Variants in MS4A6E observed in about 807,000 individuals in gnomAD.
MS4A6E encodes the protein membrane spanning 4-domains A6E.
Under a neutral mutation model 13.2 loss-of-function variants are expected in MS4A6E, and 8 were observed. That is an observed-to-expected ratio of 0.60 (90% CI 0.35 to 1.09). The LOEUF is 1.09. Among genes scored for constraint, MS4A6E ranks in the 50% least tolerant of loss-of-function variants. The probability of loss-of-function intolerance (pLI) is 0.02; values close to 1 mark genes in which losing one functional copy is unlikely to be tolerated. For missense variants in MS4A6E, 177 were observed against 171.1 expected (o/e 1.03, Z -0.19); for synonymous variants, 72 against 67.6 (o/e 1.06, Z -0.32).
At chr11:60,333,346 T>A (rs2085168914) in intron 1 of MS4A6E, among the ~76,000 whole-genome samples, 1 of 152,188 alleles carries the variant, frequency 6.6e-6, no homozygotes, top group African/African-American at 2.4e-5. Flanking sequence ...AATATAGTAA[T>A]GGAGGAAGGA....
chr11:60,343,155 A>G (rs2085238657), downstream of MS4A6E, among the ~76,000 whole-genome samples: 1 of 152,166 alleles, frequency 6.6e-6, no homozygotes, highest in Admixed American at 6.5e-5. Context: ...GATAAATTTT[A>G]CAAGAAGGTT....
chr11:60,348,095 A>G (rs2085263921), intron 4 of MS4A6E, among the ~76,000 whole-genome samples: 2 of 152,186 alleles, frequency 1.3e-5, no homozygotes, highest in Admixed American at 1.3e-4. Flanking sequence ...CAGGAACCAA[A>G]TGGTGGTTTT....
intron 2 of MS4A6E, chr11:60,335,432 T>A (rs1026763665): frequency 5.3e-6 from 2 of 374,062 alleles, no homozygotes; most frequent in African/African-American, 4.2e-5. Flanking sequence ...TACTGCAAAT[T>A]ACAGAAAAAA....
chr11:60,335,420 C>G, intron 2 of MS4A6E: 1 of 371,010 alleles, frequency 2.7e-6, no homozygotes, highest in South Asian at 2.1e-5. Flanking sequence ...GAATTTTTCC[C>G]TTACTGCAAA....
intron 2 of MS4A6E, 60 bp downstream of exon 2, chr11:60,335,102 T>C: frequency 6.3e-7 from 1 of 1,596,432 alleles, no homozygotes; most frequent in Non-Finnish European, 8.5e-7. Flanking sequence ...AGATGATGTA[T>C]GTTTTGGGAC....
intron 1 of MS4A6E, among the ~76,000 whole-genome samples, chr11:60,334,072 C>A (rs925963624): frequency 4.6e-5 from 7 of 152,242 alleles, no homozygotes; most frequent in African/African-American, 1.7e-4. Flanking sequence ...ATGAGTCCAG[C>A]ATTCTGGGTT....
intron 1 of MS4A6E, 59 bp from the exon 2 acceptor site, chr11:60,334,823 G>T (rs765374029): frequency 6.4e-7 from 1 of 1,568,336 alleles, no homozygotes; most frequent in Non-Finnish European, 8.7e-7. Flanking sequence ...TACCAGTTTT[G>T]CAGCCAGAAC....
downstream of MS4A6E, among the ~76,000 whole-genome samples, chr11:60,341,556 G>T (rs895037059): frequency 6.6e-6 from 1 of 151,972 alleles, no homozygotes; most frequent in African/African-American, 2.4e-5. Context: ...AATTGTTTGA[G>T]TATAACAAAC....
intron 1 of MS4A6E, among the ~76,000 whole-genome samples, chr11:60,330,703 C>CTA (rs2085149695): frequency 6.6e-6 from 1 of 152,110 alleles, no homozygotes; most frequent in South Asian, 2.1e-4. Flanking sequence ...TGCCTATGTC[C>CTA]TGAATGGTAT....
Position 60,335,006 on chromosome 11 carries a change from G to A in MS4A6E, c.111G>A (p.Leu37=). The A allele has an allele frequency of 6.2e-7, 1 of 1,614,134 alleles. No individual in the cohort carries two copies. The highest frequency in any genetic ancestry group is 8.5e-7 in the Non-Finnish European group (1 of 1,180,018). The change falls in exon 2 of 5, where the codon CTG becomes CTA. Residue 37 remains leucine (L), a synonymous_variant. Transcript: ENST00000684409. The part of the protein sequence containing the change: ...PEPTNQGQDS[L]KKRLQAKVKV... ...CCACCAACCAGGGGCAGGATAGCCTGAAGAAACGTCTACAGGCAAAAGTCA... is the reference window on the plus strand; with the variant it reads ...CCACCAACCAGGGGCAGGATAGCCTAAAGAAACGTCTACAGGCAAAAGTCA...
At chr11:60,346,935 T>A (rs1031951240) in intron 4 of MS4A6E, among the ~76,000 whole-genome samples, 7 of 152,204 alleles carry the variant, frequency 4.6e-5, no homozygotes, top group African/African-American at 1.4e-4. Flanking sequence ...GAGTTAAAGT[T>A]CGGAAAGCTT....
intron 1 of MS4A6E, among the ~76,000 whole-genome samples, chr11:60,333,967 C>A (rs1287373702): frequency 6.6e-6 from 1 of 152,166 alleles, no homozygotes; most frequent in Non-Finnish European, 1.5e-5. Flanking sequence ...GCATTTTACT[C>A]GTCCTGGCCT....
At chr11:60,344,475 T>G (rs2085246978), downstream of MS4A6E, among the ~76,000 whole-genome samples, 1 of 152,236 alleles carries the variant, frequency 6.6e-6, no homozygotes, top group Admixed American at 6.5e-5. Context: ...TGGCTGTTTT[T>G]GGTAAGTTCT....
chr11:60,338,002 A>T, intron 3 of MS4A6E, 55 bp downstream of exon 3: 1 of 1,527,834 alleles, frequency 6.5e-7, no homozygotes, highest in Non-Finnish European at 9.0e-7. Flanking sequence ...GAAAGCCTTG[A>T]TTTCTTATTA....
chr11:60,336,778 G>T (rs1362995904), intron 2 of MS4A6E, among the ~76,000 whole-genome samples: 1 of 152,180 alleles, frequency 6.6e-6, no homozygotes, highest in Non-Finnish European at 1.5e-5. Context: ...ATGGCTGTGG[G>T]ATGTGCCCTG....
intron 2 of MS4A6E, chr11:60,335,438 A>G (rs568992257): frequency 2.7e-6 from 1 of 375,108 alleles, no homozygotes; most frequent in South Asian, 2.1e-5. Flanking sequence ...AAATTACAGA[A>G]AAAATATACC....
At chr11:60,329,548 G>A (rs1271923858) in intron 1 of MS4A6E, among the ~76,000 whole-genome samples, 1 of 152,064 alleles carries the variant, frequency 6.6e-6, no homozygotes, top group African/African-American at 2.4e-5. Context: ...TCAAGTTCTA[G>A]GTCCTTGAGG....
At position 60,339,975 on chromosome 11, in the gene MS4A6E, T is replaced by G; in HGVS notation, c.*9+11T>G. ...GTCTGACTTCCCTGGGTGAGTGTGC[T>G]GGCCAGCCTCGCTTAATCTTGCCTA... On this transcript the variant is annotated intron_variant, in intron 4 of 4. Transcript: ENST00000684409. The G allele has an allele frequency of 6.2e-7, 1 of 1,612,588 alleles. No individual in the cohort carries two copies. Among genetic ancestry groups the G allele is most frequent in the Non-Finnish European group, 8.5e-7 (1 of 1,178,870 alleles).
rs772747719 is a variant in MS4A6E, at chr11:60,339,897, T to C, written c.386T>C (p.Val129Ala). 2 of 1,613,912 alleles carry C rather than the reference T, an allele frequency of 1.2e-6. No homozygotes were observed. Among genetic ancestry groups the C allele is most frequent in the South Asian group, 2.2e-5 (2 of 91,078 alleles). ...GTLSLMLVST[V>A]LEFCLAVLTA... ...CTGTCTCTGATGCTGGTTTCTACTG[T>C]GTTGGAGTTCTGCCTAGCTGTGCTC... Residue 129 changes from valine to alanine, a missense_variant, in exon 4 of 5, where the codon GTG (valine) becomes GCG (alanine). Val to Ala is a moderately conservative substitution (Grantham distance 64). Transcript: ENST00000684409.
Sources: gnomAD v4.1 joint callset for allele counts (sites outside exome capture counted in the v4.1 genomes callset) on GRCh38, gnomAD v4.1.1 for gene constraint, MANE v1.5 for transcripts, NCBI Gene and HGNC (gene_info 2026-07-23, HGNC 2026-07-21) for gene names.